The following HSPG2 variants were observed in gnomAD, a reference collection of about 807,000 sequenced individuals.
HSPG2 encodes heparan sulfate proteoglycan 2.
HSPG2 carries 278 observed loss-of-function variants against 526.6 expected under a neutral mutation model. The ratio of observed to expected loss-of-function variants is 0.53; its 90% CI spans 0.48 to 0.58. HSPG2 has a LOEUF of 0.58. Ranked by LOEUF, HSPG2 falls within the 20% of genes least tolerant of loss-of-function variation. HSPG2 has a pLI of 0.00. For missense variants in HSPG2, 5,354 were observed against 6,099.5 expected (o/e 0.88, Z 4.07); for synonymous variants, 2,465 against 2,555.4 (o/e 0.96, Z 1.07).
At chr1:21,842,985 G>T (rs543240735) in intron 66 of HSPG2, 64 bp from the exon 67 acceptor site, 1 of 1,588,612 alleles carries the variant, frequency 6.3e-7, no homozygotes, top group Non-Finnish European at 8.6e-7. Flanking sequence ...GGCTGAAGGT[G>T]GTGGCAGTGA....
Position 21,859,906 on chromosome 1 carries a change from G to C in HSPG2, c.5111C>G (p.Pro1704Arg), listed in dbSNP as rs1234967798. 1.2e-6 allele frequency: 2 copies of C among 1,610,222 alleles called. No homozygotes were observed. The highest frequency in any genetic ancestry group is 2.7e-5 in the African/African-American group (2 of 74,930). Residue 1704 changes from proline to arginine, a missense_variant, in exon 41 of 97, where the codon CCA (proline) becomes CGA (arginine). Coordinates refer to ENST00000374695, the MANE Select transcript of HSPG2 (RefSeq NM_005529.7). The surrounding 1 kb of genome is among the most constrained non-coding windows in gnomAD (Gnocchi z 5.3). ...ACGGGACCAATAGAAGTAGTGGGGT[G>C]GGCTCCCACTGACCTGACACCGCAG... ...HSLRCQVSGSPPHYFYWSRED... is the reference protein window; with the variant it reads ...HSLRCQVSGSRPHYFYWSRED...
intron 1 of HSPG2, among the ~76,000 whole-genome samples, chr1:21,921,331 A>T (rs1033058867): frequency 4.6e-5 from 7 of 152,124 alleles, no homozygotes; most frequent in Admixed American, 3.9e-4. Flanking sequence ...TCTGTGCTAG[A>T]AGCGGCTTCC....
intron 1 of HSPG2, among the ~76,000 whole-genome samples, chr1:21,918,997 A>G (rs549229117): frequency 6.6e-6 from 1 of 152,198 alleles, no homozygotes; most frequent in Non-Finnish European, 1.5e-5. Flanking sequence ...CCCGCCCTAC[A>G]GGCCATGTCA....
chr1:21,837,569 G>A (rs1189169942), intron 74 of HSPG2, among the ~76,000 whole-genome samples: 1 of 151,932 alleles, frequency 6.6e-6, no homozygotes, highest in African/African-American at 2.4e-5. Context: ...GATTACAGGC[G>A]TGAGCCACCG....
At position 21,878,217 on chromosome 1, in the gene HSPG2, A is replaced by G. The variant is rs1426721029; in HGVS notation, c.2654T>C (p.Met885Thr). 3.1e-6 allele frequency: 5 copies of G among 1,613,616 alleles called. No homozygotes were observed. Among genetic ancestry groups the G allele is most frequent in the Middle Eastern group, 1.6e-4 (1 of 6,080 alleles). The change falls in exon 21 of 97, where the codon ATG becomes ACG. Residue 885 changes from methionine (M) to threonine (T), a missense_variant. Coordinates refer to ENST00000374695, the MANE Select transcript of HSPG2 (RefSeq NM_005529.7). ...EIVRCDERGS[M>T]GTSGEACRCK... The stretch of plus-strand genomic sequence containing the variant: ...GCGGCAGGCCTCCCCGGAGGTCCCC[A>G]TGCTGCCACGCTCGTCACAGCGCAC...
chr1:21,867,731 T>C (rs2152739888), intron 33 of HSPG2, among the ~76,000 whole-genome samples: 1 of 152,220 alleles, frequency 6.6e-6, no homozygotes, highest in Middle Eastern at 3.4e-3. Context: ...TGCCTATTCT[T>C]TTTTTTGTTT....
chr1:21,870,853 C>T (rs138690549), intron 33 of HSPG2: 219 of 986,246 alleles, frequency 2.2e-4, no homozygotes, highest in African/African-American at 1.4e-3. Flanking sequence ...CCGGCGCATC[C>T]GCGCAAAGTA....
rs1342213343 is a variant in HSPG2 at position 21,848,879 on chromosome 1, C to T, written c.7585+14G>A. ...CCAGCCCTCCACCATTTGCATGACCCCCGAGACACTCACAGTGGGAGCCAC... is the reference window on the plus strand; with the variant it reads ...CCAGCCCTCCACCATTTGCATGACCTCCGAGACACTCACAGTGGGAGCCAC... On this transcript the variant is annotated intron_variant, in intron 58 of 96. Transcript: ENST00000374695. The surrounding 1 kb of genome is among the most constrained non-coding windows in gnomAD (Gnocchi z 4.9). 7.4e-6 allele frequency: 12 copies of T among 1,611,154 alleles called. No individual in the cohort carries two copies. The highest frequency in any genetic ancestry group is 1.1e-5 in the South Asian group (1 of 90,870).
At chr1:21,919,770 G>A (rs542716601) in intron 1 of HSPG2, among the ~76,000 whole-genome samples, 68 of 152,288 alleles carry the variant, frequency 4.5e-4, no homozygotes, top group African/African-American at 1.5e-3. Context: ...GTTGAGGCCC[G>A]GGCTGCTAGT....
rs1019853854 is a variant in HSPG2 at position 21,893,525 on chromosome 1, G to C, written c.244+2397C>G. Among the ~76,000 whole-genome samples the C allele has an allele frequency of 2.6e-5, 4 of 152,164 alleles. No individual in the cohort carries two copies. The highest frequency in any genetic ancestry group is 9.7e-5 in the African/African-American group (4 of 41,436). ...GGAGAGAAAAGGAAGAGTGGGGAGA[G>C]AGGATGGGGAGGGAGGCAGAGGGAG... is the stretch of plus-strand genomic sequence containing the variant. On this transcript the variant is annotated intron_variant, in intron 3 of 96. Coordinates refer to ENST00000374695, the MANE Select transcript of HSPG2 (RefSeq NM_005529.7). This position sits in a 1 kb window ranked among gnomAD's most constrained non-coding sequence, Gnocchi z 4.3.
intron 1 of HSPG2, among the ~76,000 whole-genome samples, chr1:21,935,031 C>T (rs1030952778): frequency 2.0e-5 from 3 of 152,126 alleles, no homozygotes; most frequent in East Asian, 1.9e-4. Flanking sequence ...CTCAGCCTCC[C>T]GAGTAGTTGG....
rs1438327278 is a variant in HSPG2 at position 21,855,655 on chromosome 1, G to A, written c.5722C>T (p.Pro1908Ser). ...CCGCCGTGGATTTGTGCCTTCGCAG[G>A]GAGCTGGCCGCCGGGGCCCCCTGAC... ...EWTGGPGGQL[P>S]AKAQIHGGIL... Residue 1908 changes from proline to serine, a missense_variant, in exon 46 of 97, where the codon CCT becomes TCT. Transcript: ENST00000374695. The A allele has an allele frequency of 6.3e-7, 1 of 1,575,216 alleles. No homozygotes were observed. Among genetic ancestry groups the A allele is most frequent in the South Asian group, 1.1e-5 (1 of 87,072 alleles).
chr1:21,857,824 G>A (rs922585718), intron 42 of HSPG2, among the ~76,000 whole-genome samples: 1 of 152,062 alleles, frequency 6.6e-6, no homozygotes, highest in African/African-American at 2.4e-5. Context: ...AAATAGAAAC[G>A]ACAAGTCAGG....
At chr1:21,897,180 G>A (rs1642812081) in intron 1 of HSPG2, among the ~76,000 whole-genome samples, 1 of 152,196 alleles carries the variant, frequency 6.6e-6, no homozygotes, top group Non-Finnish European at 1.5e-5. Flanking sequence ...AAATAACTTA[G>A]AGGAAAACAA....
In HSPG2 at chr1:21,851,964, C is replaced by T. The variant is rs557060137; in HGVS notation, c.6871-38G>A. 2.2e-5 allele frequency: 36 copies of T among 1,605,262 alleles called. No homozygotes were observed. In the East Asian group the frequency reaches 2.5e-4, roughly 11 times the overall value. ...GGGCAGAGGTGTGAGGGGGGCTTCC[C>T]GGAGGCCAGCAAATGCCCCACCGCT... On this transcript the variant is annotated intron_variant, in intron 53 of 96. Coordinates refer to ENST00000374695, the MANE Select transcript of HSPG2 (RefSeq NM_005529.7).
chr1:21,867,198 G>A (rs1195837692), intron 33 of HSPG2, among the ~76,000 whole-genome samples: 1 of 144,068 alleles, frequency 6.9e-6, no homozygotes, highest in Non-Finnish European at 1.5e-5. Context: ...TCAAGCGATT[G>A]TCCTGCCTCA....
rs115949734 is a variant in HSPG2 at position 21,843,547 on chromosome 1, C to A, written c.8617-109G>T. On this transcript the variant is annotated intron_variant, in intron 65 of 96. Transcript: ENST00000374695. ...CCATGCACAGATATGTAGGCGCATC[C>A]TGTTGGAGGCGACCCCTTTGACAGT... The A allele has an allele frequency of 1.9e-3, 2,273 of 1,169,536 alleles. 35 individuals carry two copies. In the African/African-American group the frequency reaches 0.032, roughly 16 times the overall value. 72.4% of individuals were successfully genotyped at this position (1,169,536 alleles called of 1,614,324 possible). A position where few individuals can be genotyped will look rare whatever the true frequency, so the allele number is the denominator to read the frequency against.
At chr1:21,875,166 C>G (rs1010323011) in intron 25 of HSPG2, 164 bp from the exon 26 acceptor site, 4 of 663,458 alleles carry the variant, frequency 6.0e-6, no homozygotes, top group Non-Finnish European at 1.1e-5. Context: ...TGGCAAACAG[C>G]TGTTACCTGC....
At chr1:21,927,528 C>A (rs1163104534) in intron 1 of HSPG2, among the ~76,000 whole-genome samples, 1 of 19,876 alleles carries the variant, frequency 5.0e-5, no homozygotes, top group East Asian at 4.8e-3. Flanking sequence ...CCCAGGACAT[C>A]CCCCACCCCC....
Sources: allele counts gnomAD v4.1 joint callset (sites outside exome capture counted in the v4.1 genomes callset), GRCh38; gene constraint gnomAD v4.1.1; non-coding constraint Gnocchi (gnomAD v3.1); transcripts MANE v1.5; gene names NCBI Gene and HGNC (gene_info 2026-07-23, HGNC 2026-07-21).